Variants in CNTN1 observed in about 807,000 individuals in gnomAD.
CNTN1 encodes the protein contactin 1.
In CNTN1, 38 loss-of-function variants were observed where a neutral mutation model predicts 126.4. The ratio of observed to expected loss-of-function variants is 0.30; its 90% CI spans 0.23 to 0.39. The LOEUF is 0.39. Among genes scored for constraint, CNTN1 ranks in the 10% least tolerant of loss-of-function variants. The probability of loss-of-function intolerance (pLI) is 1.00; values close to 1 mark genes in which losing one functional copy is unlikely to be tolerated. For synonymous variants in CNTN1, 413 were observed against 422.6 expected, an observed-to-expected ratio of 0.98 and a Z score of 0.28; for missense variants, 1,009 against 1,248.4, an observed-to-expected ratio of 0.81 and a Z score of 2.89.
chr12:40,899,700 G>C (rs939777571), intron 1 of CNTN1, among the ~76,000 whole-genome samples: 3 of 152,040 alleles, frequency 2.0e-5, no homozygotes, highest in Non-Finnish European at 2.9e-5. Context: ...TTGAACTTTA[G>C]TATGCCTACA....
chr12:41,065,963 T>C (rs1449492425), intron 23 of CNTN1, among the ~76,000 whole-genome samples: 1 of 152,248 alleles, frequency 6.6e-6, no homozygotes, highest in Admixed American at 6.5e-5. Flanking sequence ...GGAGTTTTAT[T>C]GAACTCAACA....
chr12:40,841,611 G>A (rs1176732979), intron 1 of CNTN1, among the ~76,000 whole-genome samples: 1 of 151,910 alleles, frequency 6.6e-6, no homozygotes, highest in Non-Finnish European at 1.5e-5. Context: ...AGGTATGCAA[G>A]GATTGTTCAA....
chr12:40,923,277 G>C (rs1183519442), intron 5 of CNTN1, among the ~76,000 whole-genome samples: 1 of 152,094 alleles, frequency 6.6e-6, no homozygotes, highest in Non-Finnish European at 1.5e-5. Flanking sequence ...AAAAATTAGA[G>C]GTTGTTTTGA....
Position 41,069,982 on chromosome 12 carries a change from C to A in CNTN1, c.3004C>A (p.Leu1002Ile). 6.2e-7 allele frequency: 1 copy of A among 1,614,004 alleles called. No individual in the cohort carries two copies. Among genetic ancestry groups the A allele is most frequent in the Non-Finnish European group, 8.5e-7 (1 of 1,179,974 alleles). The part of the protein sequence containing the change: ...ISGAPTLSPS[L>I]LGLLLPAFGI... ...AGGTGCACCCACCCTATCCCCAAGTCTTCTCGGCTTACTGCTGCCTGCCTT... is the reference window on the plus strand; with the variant it reads ...AGGTGCACCCACCCTATCCCCAAGTATTCTCGGCTTACTGCTGCCTGCCTT... The change falls in exon 24 of 24, where the codon CTT becomes ATT. Residue 1002 changes from leucine to isoleucine, a missense_variant. Transcript: ENST00000551295.
At chr12:40,844,552 G>T (rs1942430257) in intron 1 of CNTN1, among the ~76,000 whole-genome samples, 1 of 151,938 alleles carries the variant, frequency 6.6e-6, no homozygotes, top group South Asian at 2.1e-4. Context: ...AAATATTTTT[G>T]GTAATCTAAG....
At chr12:40,877,457 C>T (rs928046150) in intron 1 of CNTN1, among the ~76,000 whole-genome samples, 36 of 152,130 alleles carry the variant, frequency 2.4e-4, no homozygotes, top group African/African-American at 8.7e-4. Flanking sequence ...CAGTTTTCTG[C>T]ATTGCACATT....
intron 1 of CNTN1, among the ~76,000 whole-genome samples, chr12:40,813,519 C>A (rs1297240593): frequency 1.3e-5 from 2 of 152,090 alleles, no homozygotes; most frequent in African/African-American, 4.8e-5. Context: ...GCAAAGGACA[C>A]GATCTCATTC....
chr12:40,822,146 A>ATTTTTTTTTTTTTTTTT (rs1315956279), intron 1 of CNTN1, among the ~76,000 whole-genome samples: 8 of 81,876 alleles, frequency 9.8e-5, no homozygotes, highest in East Asian at 5.0e-4. Flanking sequence ...CAAAATATAA[A>ATTTTTTTTTTTTTTTTT]TCTTTTTTTT....
intron 1 of CNTN1, among the ~76,000 whole-genome samples, chr12:40,718,418 A>G (rs1159857014): frequency 1.3e-5 from 2 of 152,008 alleles, no homozygotes. Context: ...TGACCTCATA[A>G]TCCGCCCGCC....
intron 1 of CNTN1, among the ~76,000 whole-genome samples, chr12:40,724,364 A>C (rs7132869): frequency 0.015 from 2,318 of 152,300 alleles, 23 homozygotes; most frequent in African/African-American, 0.027. Flanking sequence ...GGCTTGGCTC[A>C]TCCAACTACT....
chr12:41,028,922 T>A, intron 22 of CNTN1, 141 bp from the exon 23 acceptor site: 1 of 841,734 alleles, frequency 1.2e-6, no homozygotes, highest in Non-Finnish European at 1.9e-6. Context: ...TCATCTAGTT[T>A]TAAATTTAGT....
At chr12:40,806,853 G>A (rs1250318846) in intron 1 of CNTN1, among the ~76,000 whole-genome samples, 1 of 151,866 alleles carries the variant, frequency 6.6e-6, no homozygotes, top group Non-Finnish European at 1.5e-5. Flanking sequence ...TTGACTTATG[G>A]GTTACATGAT....
chr12:40,745,207 G>A (rs1261834818), intron 1 of CNTN1, among the ~76,000 whole-genome samples: 6 of 152,030 alleles, frequency 3.9e-5, no homozygotes, highest in Non-Finnish European at 8.8e-5. Flanking sequence ...TTTTCCTTAT[G>A]TTGATGAAGA....
chr12:41,028,779 A>G lies in CNTN1; in HGVS notation c.2824-284A>G, dbSNP rs747649262. 2.0e-4 allele frequency among the ~76,000 whole-genome samples: 30 copies of G among 152,216 alleles called. No individual in the cohort carries two copies. In the Middle Eastern group the frequency reaches 0.01, roughly 52 times the overall value. ...CATTTTGGACTTTTTTCTTAAAAAG[A>G]CTCATTCTTTCTATATTTTTATTTT... is the stretch of plus-strand genomic sequence containing the variant. On this transcript the variant is annotated intron_variant, in intron 22 of 23. Transcript: ENST00000551295.
chr12:40,900,051 A>C (rs1011590149), intron 1 of CNTN1, among the ~76,000 whole-genome samples: 1 of 152,166 alleles, frequency 6.6e-6, no homozygotes, highest in Admixed American at 6.5e-5. Context: ...AATCCCTTTA[A>C]GTCAGTCCAT....
intron 1 of CNTN1, among the ~76,000 whole-genome samples, chr12:40,777,091 C>A (rs557247190): frequency 1.3e-4 from 20 of 151,798 alleles, no homozygotes; most frequent in South Asian, 6.2e-4. Context: ...ATATATTCAA[C>A]TTCCTTTTTG....
At chr12:40,719,411 A>G (rs1170363761) in intron 1 of CNTN1, among the ~76,000 whole-genome samples, 4 of 152,198 alleles carry the variant, frequency 2.6e-5, no homozygotes, top group Non-Finnish European at 5.9e-5. Flanking sequence ...AAATTGCTGT[A>G]TAATTTCTAA....
chr12:40,908,530 G>A (rs1944918158), intron 2 of CNTN1, 37 bp downstream of exon 2: 1 of 1,422,146 alleles, frequency 7.0e-7, no homozygotes, highest in Non-Finnish European at 9.9e-7. Context: ...CATATATTAT[G>A]TCAACATAAT....
At chr12:40,822,570 G>A (rs938330487) in intron 1 of CNTN1, among the ~76,000 whole-genome samples, 1 of 151,954 alleles carries the variant, frequency 6.6e-6, no homozygotes, top group African/African-American at 2.4e-5. Context: ...TTATTTCTGA[G>A]TGAATTTTTA....
Sources: gnomAD v4.1 joint callset for allele counts (sites outside exome capture counted in the v4.1 genomes callset) on GRCh38, gnomAD v4.1.1 for gene constraint, MANE v1.5 for transcripts, NCBI Gene and HGNC (gene_info 2026-07-23, HGNC 2026-07-21) for gene names.